Variants in IGF1R observed in about 807,000 individuals in gnomAD.
IGF1R encodes the protein insulin-like growth factor 1 receptor.
In IGF1R, 44 loss-of-function variants were observed where a neutral mutation model predicts 144.6. The ratio of observed to expected loss-of-function variants is 0.30; its 90% CI spans 0.24 to 0.39. IGF1R has a LOEUF of 0.39. Among genes scored for constraint, IGF1R ranks in the 10% least tolerant of loss-of-function variants. IGF1R has a pLI of 1.00. For missense variants in IGF1R, 1,355 were observed against 1,833.7 expected, an observed-to-expected ratio of 0.74 and a Z score of 4.77; for synonymous variants, 795 against 722.8, an observed-to-expected ratio of 1.10 and a Z score of -1.60.
At chr15:98,832,095 T>A (rs2057012035) in intron 2 of IGF1R, among the ~76,000 whole-genome samples, 1 of 152,182 alleles carries the variant, frequency 6.6e-6, no homozygotes, top group Admixed American at 6.5e-5. Flanking sequence ...TGGGTCTGGA[T>A]CCTTTTCTTT....
intron 2 of IGF1R, among the ~76,000 whole-genome samples, chr15:98,741,606 G>C (rs1282052581): frequency 6.6e-6 from 1 of 152,162 alleles, no homozygotes; most frequent in Non-Finnish European, 1.5e-5. Flanking sequence ...ATTTCTGCAC[G>C]TCGGGGAACA....
chr15:98,702,159 T>TTC (rs370243510), intron 1 of IGF1R, among the ~76,000 whole-genome samples: 23 of 152,078 alleles, frequency 1.5e-4, no homozygotes, highest in African/African-American at 5.5e-4. Flanking sequence ...CCAAATGCTT[T>TTC]TCTTTAGCCC....
intron 2 of IGF1R, among the ~76,000 whole-genome samples, chr15:98,836,146 G>A (rs1452369755): frequency 1.3e-5 from 2 of 151,872 alleles, no homozygotes; most frequent in African/African-American, 2.4e-5. Flanking sequence ...TTGTAGTGAG[G>A]ATGACCCCAC....
chr15:98,704,790 G>A lies in IGF1R; in HGVS notation c.95-2772G>A, dbSNP rs1398456224. Among the ~76,000 whole-genome samples the A allele has an allele frequency of 6.6e-6, 1 of 152,076 alleles. No individual in the cohort carries two copies. The highest frequency in any genetic ancestry group is 2.4e-5 in the African/African-American group (1 of 41,388). On this transcript the variant is annotated intron_variant, in intron 1 of 20. Transcript: ENST00000650285. This position sits in a 1 kb window ranked among gnomAD's most constrained non-coding sequence, Gnocchi z 4.9. ...GTGTGTAGGGTTGTTGAGGAACAGC[G>A]TGCTGCACAGGGAGGAAAGACGTGG... is the stretch of plus-strand genomic sequence containing the variant.
intron 2 of IGF1R, among the ~76,000 whole-genome samples, chr15:98,809,940 C>T (rs1167989487): frequency 6.6e-6 from 1 of 152,148 alleles, no homozygotes; most frequent in Non-Finnish European, 1.5e-5. Flanking sequence ...GGGATAGCCA[C>T]GGGGTTTGGC....
chr15:98,872,261 T>C (rs1386221008), intron 2 of IGF1R, among the ~76,000 whole-genome samples: 5 of 152,376 alleles, frequency 3.3e-5, no homozygotes, highest in South Asian at 2.1e-4. Context: ...TCTTGTCTTA[T>C]GATTTTTTTT....
At chr15:98,803,419 A>G (rs2141440653) in intron 2 of IGF1R, among the ~76,000 whole-genome samples, 1 of 152,308 alleles carries the variant, frequency 6.6e-6, no homozygotes, top group South Asian at 2.1e-4. Context: ...GCTCTGGGTG[A>G]GTCAGTGAGT....
In IGF1R at chr15:98,650,327, C is replaced by T. The variant is rs542150776; in HGVS notation, c.94+652C>T. 2.6e-5 allele frequency among the ~76,000 whole-genome samples: 4 copies of T among 152,322 alleles called. No individual in the cohort carries two copies. In the South Asian group the frequency reaches 8.3e-4, roughly 32 times the overall value. Reference sequence around the variant, plus strand: ...TTCCTGGCCTTGCCCGTCACTTTGGCCCGCTCCTCGTTGGGTTACCTGCCC... The same window carrying T: ...TTCCTGGCCTTGCCCGTCACTTTGGTCCGCTCCTCGTTGGGTTACCTGCCC... On this transcript the variant is annotated intron_variant, in intron 1 of 20. Coordinates refer to ENST00000650285, the MANE Select transcript of IGF1R (RefSeq NM_000875.5).
intron 1 of IGF1R, among the ~76,000 whole-genome samples, chr15:98,665,878 CA>C (rs892935557): frequency 2.9e-4 from 44 of 152,232 alleles, no homozygotes; most frequent in African/African-American, 1.1e-3. Context: ...GACCAGAATT[CA>C]AGGTTAGTCC....
intron 2 of IGF1R, among the ~76,000 whole-genome samples, chr15:98,741,122 C>G (rs906426093): frequency 6.6e-6 from 1 of 151,868 alleles, no homozygotes; most frequent in East Asian, 1.9e-4. Flanking sequence ...TTTAGAATGA[C>G]TCTCTTGGGT....
Position 98,962,117 on chromosome 15 carries a change from A to G in IGF1R, c.*4675A>G, listed in dbSNP as rs1044673600. On this transcript the variant is annotated 3_prime_UTR_variant, in exon 21 of 21. Coordinates refer to ENST00000650285, the MANE Select transcript of IGF1R (RefSeq NM_000875.5). ...GGCTTGCCAGTGGCTCTGTGGCAAG[A>G]TCACACTGAGATCGATGGGTGAGAA... The G allele has an allele frequency of 4.3e-6, 1 of 233,276 alleles. No individual in the cohort carries two copies. Among genetic ancestry groups the G allele is most frequent in the Admixed American group, 5.6e-5 (1 of 17,798 alleles). 14.5% of individuals were successfully genotyped at this position (233,276 alleles called of 1,614,324 possible). A position where few individuals can be genotyped will look rare whatever the true frequency, so the allele number is the denominator to read the frequency against.
chr15:98,770,562 A>G (rs760410892), intron 2 of IGF1R, among the ~76,000 whole-genome samples: 1 of 152,250 alleles, frequency 6.6e-6, no homozygotes, highest in Non-Finnish European at 1.5e-5. Flanking sequence ...AAAATATCAT[A>G]TTAACCCCAT....
At chr15:98,880,921 G>C (rs1395502866) in intron 2 of IGF1R, 1 of 152,204 alleles carries the variant, frequency 6.6e-6, no homozygotes, top group Non-Finnish European at 1.5e-5. Context: ...GACCCAGAAA[G>C]ACTCAGTGAC....
chr15:98,796,702 T>G (rs2056250250), intron 2 of IGF1R, among the ~76,000 whole-genome samples: 1 of 152,222 alleles, frequency 6.6e-6, no homozygotes, highest in South Asian at 2.1e-4. Context: ...TACTTAATAA[T>G]TGTGTCTATT....
intron 1 of IGF1R, among the ~76,000 whole-genome samples, chr15:98,673,183 G>A (rs1472702448): frequency 6.6e-6 from 1 of 152,026 alleles, no homozygotes; most frequent in Non-Finnish European, 1.5e-5. Context: ...TTATTGTAGG[G>A]TCCTTTTGGA....
intron 2 of IGF1R, among the ~76,000 whole-genome samples, chr15:98,781,241 C>T (rs1375241829): frequency 6.6e-6 from 1 of 152,192 alleles, no homozygotes; most frequent in Non-Finnish European, 1.5e-5. Context: ...AATTTTAGTA[C>T]TTCTGCAGCT....
chr15:98,829,413 G>A (rs955585033), intron 2 of IGF1R, among the ~76,000 whole-genome samples: 1 of 151,748 alleles, frequency 6.6e-6, no homozygotes, highest in Non-Finnish European at 1.5e-5. Context: ...CCCTCTATCC[G>A]GGTGTTATAC....
chr15:98,810,991 AC>A (rs2056577637), intron 2 of IGF1R, among the ~76,000 whole-genome samples: 1 of 151,856 alleles, frequency 6.6e-6, no homozygotes, highest in Non-Finnish European at 1.5e-5. Context: ...TCTGTAGACA[AC>A]CTAGAATGTT....
chr15:98,658,943 TC>T (rs1466329750), intron 1 of IGF1R, among the ~76,000 whole-genome samples: 1 of 152,240 alleles, frequency 6.6e-6, no homozygotes, highest in Non-Finnish European at 1.5e-5. Context: ...TTTAATAGAA[TC>T]TACTTTAAAC....
Sources: gnomAD v4.1 joint callset for allele counts (sites outside exome capture counted in the v4.1 genomes callset) on GRCh38, gnomAD v4.1.1 for gene constraint, Gnocchi (gnomAD v3.1) non-coding constraint, MANE v1.5 for transcripts, NCBI Gene and HGNC (gene_info 2026-07-23, HGNC 2026-07-21) for gene names.